The following SEMA5A variants were observed in gnomAD, a reference collection of about 807,000 sequenced individuals.
SEMA5A encodes the protein semaphorin 5A.
SEMA5A carries 55 observed loss-of-function variants against 135.5 expected under a neutral mutation model. The observed-to-expected ratio is 0.41, with a 90% CI of 0.33 to 0.51. The LOEUF is 0.51. Ranked by LOEUF, SEMA5A falls within the 20% of genes least tolerant of loss-of-function variation. SEMA5A has a pLI of 0.37. For synonymous variants in SEMA5A, 580 were observed against 546.5 expected, an observed-to-expected ratio of 1.06 and a Z score of -0.85; for missense variants, 1,290 against 1,419.9, an observed-to-expected ratio of 0.91 and a Z score of 1.47.
intron 1 of SEMA5A, among the ~76,000 whole-genome samples, chr5:9,445,683 C>T (rs1758408832): frequency 6.6e-6 from 1 of 151,964 alleles, no homozygotes; most frequent in Non-Finnish European, 1.5e-5. Context: ...AAAAAAGTGT[C>T]AGATGTGAGA....
intron 1 of SEMA5A, among the ~76,000 whole-genome samples, chr5:9,533,269 C>T (rs765782569): frequency 2.2e-4 from 34 of 152,204 alleles, no homozygotes; most frequent in Non-Finnish European, 4.6e-4. Context: ...CTTACTGTGG[C>T]ATCAACAGAG....
At chr5:9,435,182 C>G (rs1757987553) in intron 2 of SEMA5A, among the ~76,000 whole-genome samples, 1 of 152,166 alleles carries the variant, frequency 6.6e-6, no homozygotes, top group Admixed American at 6.6e-5. Context: ...CCAGAACATT[C>G]TTGTTCAACA....
intron 16 of SEMA5A, among the ~76,000 whole-genome samples, chr5:9,091,643 C>T (rs1739041809): frequency 6.6e-6 from 1 of 152,156 alleles, no homozygotes; most frequent in East Asian, 1.9e-4. Context: ...ATGAGATTTG[C>T]AGTTCAAAAC....
chr5:9,159,463 T>C (rs1338837409), intron 11 of SEMA5A, among the ~76,000 whole-genome samples: 4 of 152,144 alleles, frequency 2.6e-5, no homozygotes, highest in African/African-American at 9.7e-5. Flanking sequence ...AAAAGCTCAA[T>C]ATCATTGATC....
At chr5:9,492,657 T>C (rs1054124967) in intron 1 of SEMA5A, among the ~76,000 whole-genome samples, 42 of 152,130 alleles carry the variant, frequency 2.8e-4, no homozygotes, top group Admixed American at 2.6e-3. Context: ...TAGAAGAAAA[T>C]AGCATACCAT....
intron 1 of SEMA5A, among the ~76,000 whole-genome samples, chr5:9,474,916 G>T (rs574787936): frequency 6.6e-6 from 1 of 152,064 alleles, no homozygotes. Flanking sequence ...TGTACTTTTG[G>T]TTCCTTCTTA....
At chr5:9,479,162 G>A (rs1005456615) in intron 1 of SEMA5A, among the ~76,000 whole-genome samples, 8 of 152,138 alleles carry the variant, frequency 5.3e-5, no homozygotes, top group Admixed American at 3.3e-4. Flanking sequence ...TCAGAACTGT[G>A]AGCCAAGTAA....
At chr5:9,440,576 G>A (rs943046820) in intron 1 of SEMA5A, among the ~76,000 whole-genome samples, 1 of 152,078 alleles carries the variant, frequency 6.6e-6, no homozygotes, top group South Asian at 2.1e-4. Context: ...CTATCTTGAC[G>A]ACACTTTTGA....
At chr5:9,309,163 C>T (rs1212956940) in intron 5 of SEMA5A, among the ~76,000 whole-genome samples, 1 of 151,996 alleles carries the variant, frequency 6.6e-6, no homozygotes, top group Non-Finnish European at 1.5e-5. Flanking sequence ...CCAAAATGTA[C>T]TATAGAGAAA....
chr5:9,466,048 A>G (rs1759246012), intron 1 of SEMA5A, among the ~76,000 whole-genome samples: 1 of 152,158 alleles, frequency 6.6e-6, no homozygotes, highest in Non-Finnish European at 1.5e-5. Flanking sequence ...GAAGGCCTTA[A>G]CATTTCTTTC....
chr5:9,316,410 A>C (rs1174701050), intron 5 of SEMA5A, among the ~76,000 whole-genome samples: 1 of 152,168 alleles, frequency 6.6e-6, no homozygotes, highest in Non-Finnish European at 1.5e-5. Flanking sequence ...AATACTTCTA[A>C]ACCCTCTCAG....
At chr5:9,353,598 C>CACATGGCAT (rs2126317936) in intron 3 of SEMA5A, among the ~76,000 whole-genome samples, 2 of 152,196 alleles carry the variant, frequency 1.3e-5, no homozygotes, top group South Asian at 4.2e-4. Flanking sequence ...TCTGGTTTAT[C>CACATGGCAT]ATATATCACA....
chr5:9,315,403 A>AAT (rs1752346907), intron 5 of SEMA5A, among the ~76,000 whole-genome samples: 1 of 152,202 alleles, frequency 6.6e-6, no homozygotes, highest in African/African-American at 2.4e-5. Flanking sequence ...TCAACAAATT[A>AAT]ATATTAATAC....
chr5:9,163,679 C>T (rs1743422136), intron 11 of SEMA5A, among the ~76,000 whole-genome samples: 1 of 152,186 alleles, frequency 6.6e-6, no homozygotes, highest in Non-Finnish European at 1.5e-5. Flanking sequence ...TATTTAAAGA[C>T]AGGCTCTCTA....
intron 16 of SEMA5A, among the ~76,000 whole-genome samples, chr5:9,090,195 C>T (rs1003718419): frequency 1.3e-5 from 2 of 152,152 alleles, no homozygotes; most frequent in Admixed American, 6.5e-5. Flanking sequence ...GTGAAGGGAC[C>T]TTCAGCAGGG....
intron 2 of SEMA5A, among the ~76,000 whole-genome samples, chr5:9,404,213 C>T (rs62343769): frequency 8.5e-5 from 13 of 152,096 alleles, no homozygotes; most frequent in East Asian, 1.9e-4. Flanking sequence ...GGATTACAGG[C>T]GTGAGCCACC....
chr5:9,118,788 GT>G (rs1740651904), intron 15 of SEMA5A, among the ~76,000 whole-genome samples: 1 of 152,184 alleles, frequency 6.6e-6, no homozygotes, highest in African/African-American at 2.4e-5. Flanking sequence ...GCCCAGCTGT[GT>G]AGGCACCAGA....
intron 1 of SEMA5A, among the ~76,000 whole-genome samples, chr5:9,507,503 T>C (rs1735959030): frequency 6.6e-6 from 1 of 152,238 alleles, no homozygotes; most frequent in Admixed American, 6.5e-5. Context: ...AAATGCTTAT[T>C]GCCCTTTACA....
At chr5:9,236,564 G>A (rs1468369727) in intron 6 of SEMA5A, among the ~76,000 whole-genome samples, 2 of 152,176 alleles carry the variant, frequency 1.3e-5, no homozygotes, top group East Asian at 1.9e-4. Context: ...AGGGGTCCCC[G>A]ATGTGTGGGC....
Sources: gnomAD v4.1 joint callset for allele counts (sites outside exome capture counted in the v4.1 genomes callset) on GRCh38, gnomAD v4.1.1 for gene constraint, MANE v1.5 for transcripts, NCBI Gene and HGNC (gene_info 2026-07-23, HGNC 2026-07-21) for gene names.